IARS2: variants seen among roughly 807,000 people sequenced by gnomAD.
The protein encoded by IARS2 is isoleucine--tRNA ligase, mitochondrial.
Under a neutral mutation model 126.3 loss-of-function variants are expected in IARS2, and 56 were observed. That is an observed-to-expected ratio of 0.44 (90% CI 0.36 to 0.55). IARS2 has a LOEUF of 0.55. Ranked by LOEUF, IARS2 falls within the 20% of genes least tolerant of loss-of-function variation. IARS2 has a pLI of 0.00. For synonymous variants in IARS2, 407 were observed against 441.1 expected (o/e 0.92, Z 0.97); for missense variants, 1,127 against 1,245.9 (o/e 0.90, Z 1.44).
chr1:220,139,813 C>A (rs984462908), intron 18 of IARS2, among the ~76,000 whole-genome samples: 1 of 152,022 alleles, frequency 6.6e-6, no homozygotes, highest in Non-Finnish European at 1.5e-5. Context: ...ACCCTTAAGT[C>A]AGAGGTGTAC....
chr1:220,142,469 T>C (rs1038165123), intron 20 of IARS2, among the ~76,000 whole-genome samples: 7 of 152,198 alleles, frequency 4.6e-5, no homozygotes, highest in African/African-American at 1.4e-4. Context: ...GCCACTGTAC[T>C]TCAGCCTGGG....
chr1:220,131,418 C>T (rs544081463), intron 14 of IARS2, among the ~76,000 whole-genome samples: 2 of 152,042 alleles, frequency 1.3e-5, no homozygotes, highest in African/African-American at 4.8e-5. Flanking sequence ...ATGGCGTGAC[C>T]TGGGCTCACT....
At chr1:220,108,770 A>G (rs1656735674) in intron 10 of IARS2, among the ~76,000 whole-genome samples, 1 of 149,110 alleles carries the variant, frequency 6.7e-6, no homozygotes. Flanking sequence ...CCACCTGCCT[A>G]GGCCTCCCAA....
chr1:220,096,083 T>C, intron 1 of IARS2, 21 bp from the exon 2 acceptor site: 1 of 1,291,954 alleles, frequency 7.7e-7, no homozygotes, highest in South Asian at 1.3e-5. Flanking sequence ...TGTTTAGATA[T>C]CTTTTTTTTT....
At chr1:220,134,797 G>A (rs45454400) in intron 15 of IARS2, 4 of 179,574 alleles carry the variant, frequency 2.2e-5, no homozygotes, top group East Asian at 1.3e-4. Context: ...AAAAAGGATC[G>A]CATTCAGTCA....
chr1:220,123,031 G>A (rs1201431526), intron 12 of IARS2, among the ~76,000 whole-genome samples: 3 of 150,322 alleles, frequency 2.0e-5, no homozygotes, highest in East Asian at 1.9e-4. Flanking sequence ...GTAATTGTGC[G>A]TATGTGTCCA....
chr1:220,097,579 G>A (rs909138074), intron 2 of IARS2, among the ~76,000 whole-genome samples: 1 of 151,786 alleles, frequency 6.6e-6, no homozygotes, highest in Admixed American at 6.6e-5. Context: ...TAGCCAGGAT[G>A]GTCTCGATCT....
At chr1:220,134,768 GTTT>G (rs57598038) in intron 15 of IARS2, 80 of 151,496 alleles carry the variant, frequency 5.3e-4, no homozygotes, top group Middle Eastern at 2.7e-3. Context: ...TGTTGTTGTT[GTTT>G]TTTTTTTTTT....
chr1:220,138,884 T>G (rs1331351386), intron 17 of IARS2, 124 bp from the exon 18 acceptor site: 41 of 868,640 alleles, frequency 4.7e-5, no homozygotes, highest in Non-Finnish European at 7.0e-5. Flanking sequence ...TAGTCTTATT[T>G]GGAATGATAA....
chr1:220,132,849 A>G (rs771321997), intron 14 of IARS2, among the ~76,000 whole-genome samples: 24 of 151,330 alleles, frequency 1.6e-4, no homozygotes, highest in Non-Finnish European at 2.9e-4. Context: ...TTCATTTCTG[A>G]TTTTGTTTAT....
chr1:220,124,784 G>A (rs1298450634), intron 12 of IARS2, among the ~76,000 whole-genome samples: 1 of 152,160 alleles, frequency 6.6e-6, no homozygotes, highest in Admixed American at 6.6e-5. Flanking sequence ...CTATTTCAAG[G>A]TCTGTTTTGT....
chr1:220,127,135 A>C lies in IARS2; in HGVS notation c.1837+292A>C, dbSNP rs533906768. 2.0e-5 allele frequency among the ~76,000 whole-genome samples: 3 copies of C among 152,326 alleles called. No individual in the cohort carries two copies. The South Asian group carries it at 6.2e-4, about 32-fold the overall frequency. On this transcript the variant is annotated intron_variant, in intron 14 of 22. Transcript: ENST00000366922. ...TTCTCCTTGGCCACTTGGCAACCCC[A>C]AGGCACCCAGTTTTGTAAAACAAAG... is the stretch of plus-strand genomic sequence containing the variant.
chr1:220,094,603 CA>C (rs1656398071), intron 1 of IARS2, 120 bp downstream of exon 1: 1 of 816,274 alleles, frequency 1.2e-6, no homozygotes, highest in Non-Finnish European at 1.9e-6. Context: ...GGGGTGTGAC[CA>C]GATTGGTGGA....
At chr1:220,100,025 A>G (rs1237139952) in intron 2 of IARS2, among the ~76,000 whole-genome samples, 1 of 152,218 alleles carries the variant, frequency 6.6e-6, no homozygotes, top group Non-Finnish European at 1.5e-5. Context: ...CTTGGAGCCA[A>G]ATCTATCCTT....
At chr1:220,111,908 T>C (rs1014935005) in intron 11 of IARS2, among the ~76,000 whole-genome samples, 1 of 152,084 alleles carries the variant, frequency 6.6e-6, no homozygotes, top group African/African-American at 2.4e-5. Flanking sequence ...AATTTGTAAA[T>C]TGCAGCTCTG....
At chr1:220,104,575 AGG>A in intron 8 of IARS2, among the ~76,000 whole-genome samples, 1 of 151,492 alleles carries the variant, frequency 6.6e-6, no homozygotes, top group South Asian at 2.1e-4. Flanking sequence ...GGTAGAGATG[AGG>A]TCTTGCTACA....
chr1:220,146,166 G>A (rs1489404298), intron 22 of IARS2, among the ~76,000 whole-genome samples: 1 of 152,148 alleles, frequency 6.6e-6, no homozygotes. Flanking sequence ...TTGTTTTATA[G>A]AAGATTTTAA....
chr1:220,104,874 T>A (rs1041994455), intron 8 of IARS2, among the ~76,000 whole-genome samples: 2 of 152,110 alleles, frequency 1.3e-5, no homozygotes, highest in East Asian at 3.9e-4. Context: ...TATCTTTTAA[T>A]TTCTTGCTAA....
intron 19 of IARS2, 122 bp from the exon 20 acceptor site, chr1:220,141,681 T>TACTTCTACTTA (rs1657495222): frequency 1.1e-6 from 1 of 947,076 alleles, no homozygotes; most frequent in Non-Finnish European, 1.6e-6. Context: ...ATTCTTTAAG[T>TACTTCTACTTA]AGAAGATGAT....
Sources: allele counts gnomAD v4.1 joint callset (sites outside exome capture counted in the v4.1 genomes callset), GRCh38; gene constraint gnomAD v4.1.1; transcripts MANE v1.5; gene names NCBI Gene and HGNC (gene_info 2026-07-23, HGNC 2026-07-21).